Variants in MCU observed in about 807,000 individuals in gnomAD.
MCU encodes the protein calcium uniporter protein, mitochondrial.
Under a neutral mutation model 45.2 loss-of-function variants are expected in MCU, and 12 were observed. The observed-to-expected ratio is 0.27, with a 90% confidence interval of 0.17 to 0.43. The LOEUF is 0.43. Among genes scored for constraint, MCU ranks in the 20% least tolerant of loss-of-function variants. The pLI is 1.00. For synonymous variants in MCU, 160 were observed against 165.1 expected (o/e 0.97, Z 0.24); for missense variants, 324 against 436.7 (o/e 0.74, Z 2.30).
At chr10:72,839,955 C>T (rs1234178186) in intron 2 of MCU, among the ~76,000 whole-genome samples, 4 of 111,694 alleles carry the variant, frequency 3.6e-5, no homozygotes, top group African/African-American at 1.5e-4. Flanking sequence ...CAAAGCGAGA[C>T]TCCGTCTCAA....
chr10:72,845,135 C>T (rs939116296), intron 2 of MCU, among the ~76,000 whole-genome samples: 1 of 152,046 alleles, frequency 6.6e-6, no homozygotes, highest in Admixed American at 6.6e-5. Context: ...AGGAAGCTTG[C>T]ATATATAGAA....
At chr10:72,757,652 T>C (rs1185867653) in intron 1 of MCU, among the ~76,000 whole-genome samples, 2 of 152,198 alleles carry the variant, frequency 1.3e-5, no homozygotes, top group Non-Finnish European at 2.9e-5. Flanking sequence ...TGAAGTGGTC[T>C]GAAGAGATAA....
At chr10:72,831,241 T>G (rs994764000) in intron 1 of MCU, among the ~76,000 whole-genome samples, 3 of 152,216 alleles carry the variant, frequency 2.0e-5, no homozygotes, top group Non-Finnish European at 2.9e-5. Flanking sequence ...AGATGTCATT[T>G]GAAATCAGTA....
At chr10:72,879,504 CA>C (rs1481944767) in intron 6 of MCU, among the ~76,000 whole-genome samples, 3 of 152,126 alleles carry the variant, frequency 2.0e-5, no homozygotes, top group Admixed American at 6.5e-5. Context: ...CTATACTCAG[CA>C]AAAAATATCT....
intron 1 of MCU, 135 bp downstream of exon 1, chr10:72,692,436 G>A (rs1357369504): frequency 1.1e-6 from 1 of 909,146 alleles, no homozygotes; most frequent in African/African-American, 1.8e-5. Context: ...CGGGCACCGA[G>A]GAGCCGCCGT....
At position 72,804,098 on chromosome 10, in the gene MCU, A is replaced by AT. The variant is rs35746180; in HGVS notation, c.151-30249dup. ...TAAAATAAGAGTGCCAACAATTTAC[A>AT]TTTTTTTTTTTTGAGACAGAGTCTC... On this transcript the variant is annotated intron_variant, in intron 1 of 7. Coordinates refer to ENST00000373053, the MANE Select transcript of MCU (RefSeq NM_138357.3). Among the ~76,000 whole-genome samples the AT allele has an allele frequency of 1.8e-4, 17 of 93,342 alleles. 1 individual carries two copies. Among genetic ancestry groups the AT allele is most frequent in the Admixed American group, 9.4e-4 (7 of 7,442 alleles). 61.2% of individuals were successfully genotyped at this position (93,342 alleles called of 152,430 possible).
chr10:72,875,851 C>T (rs894585734), intron 6 of MCU, among the ~76,000 whole-genome samples: 11 of 152,190 alleles, frequency 7.2e-5, no homozygotes, highest in Non-Finnish European at 1.0e-4. Flanking sequence ...GCTGTGTCAG[C>T]GTGCAGGTGG....
chr10:72,705,480 G>A (rs1046425926), intron 1 of MCU, among the ~76,000 whole-genome samples: 2 of 151,812 alleles, frequency 1.3e-5, no homozygotes, highest in East Asian at 1.9e-4. Flanking sequence ...TCAGGAGTTC[G>A]AGACCAGCCT....
chr10:72,698,448 C>G (rs946670476), intron 1 of MCU, among the ~76,000 whole-genome samples: 2 of 152,266 alleles, frequency 1.3e-5, no homozygotes, highest in East Asian at 3.9e-4. Context: ...TGTTTGTTTT[C>G]CTGTGATTAA....
rs1327285307 is a variant in MCU, at chr10:72,692,220, C to A, written c.69C>A (p.Ala23=). The change falls in exon 1 of 8, where the codon GCC becomes GCA. Residue 23 remains alanine, a synonymous_variant. Transcript: ENST00000373053. ...CTCGGGGCGGCGGCGGCGGGGGCGC[C>A]GGCGGCTGCGGGGCGCTGACTGCCG... is the stretch of plus-strand genomic sequence containing the variant. ...LSSRGGGGGG[A]GGCGALTAGC... is the part of the protein sequence containing the mutation. 2 of 1,246,002 alleles carry A rather than the reference C, an allele frequency of 1.6e-6. No homozygotes were observed. Among genetic ancestry groups the A allele is most frequent in the Non-Finnish European group, 2.0e-6 (2 of 989,286 alleles). 77.2% of individuals were successfully genotyped at this position (1,246,002 alleles called of 1,614,324 possible). A position where few individuals can be genotyped will look rare whatever the true frequency, so the allele number is the denominator to read the frequency against.
At chr10:72,797,222 T>TTC (rs138793011) in intron 1 of MCU, among the ~76,000 whole-genome samples, 4,110 of 98,702 alleles carry the variant, frequency 0.042, 97 homozygotes, top group Non-Finnish European at 0.066. Flanking sequence ...TTTTATTTTA[T>TTC]TTTATTTTAT....
chr10:72,815,730 G>A (rs913137090), intron 1 of MCU, among the ~76,000 whole-genome samples: 9 of 152,084 alleles, frequency 5.9e-5, no homozygotes, highest in South Asian at 2.1e-4. Context: ...AGATTACATC[G>A]TGATAAAAAC....
intron 1 of MCU, among the ~76,000 whole-genome samples, chr10:72,805,101 C>CTCTCTCTT (rs1554824918): frequency 4.0e-4 from 41 of 103,454 alleles, no homozygotes; most frequent in African/African-American, 1.5e-3. Flanking sequence ...TTCTTTCTTT[C>CTCTCTCTT]TCTTTCTTTC....
At chr10:72,774,311 G>A (rs1165581755) in intron 1 of MCU, among the ~76,000 whole-genome samples, 1 of 152,102 alleles carries the variant, frequency 6.6e-6, no homozygotes, top group Non-Finnish European at 1.5e-5. Context: ...CTTTGTTTGT[G>A]TATTTTTGAT....
At chr10:72,699,845 G>T (rs1842735173) in intron 1 of MCU, among the ~76,000 whole-genome samples, 1 of 151,940 alleles carries the variant, frequency 6.6e-6, no homozygotes, top group Non-Finnish European at 1.5e-5. Flanking sequence ...GCGTGTCTTG[G>T]CCTCCCAAAG....
chr10:72,849,974 C>T (rs957891871), intron 2 of MCU, among the ~76,000 whole-genome samples: 8 of 150,662 alleles, frequency 5.3e-5, no homozygotes, highest in African/African-American at 2.0e-4. Context: ...AGTGCAGTGG[C>T]ACGATCTCAG....
intron 1 of MCU, among the ~76,000 whole-genome samples, chr10:72,796,660 C>T (rs567646492): frequency 3.3e-5 from 5 of 150,926 alleles, no homozygotes; most frequent in South Asian, 2.1e-4. Context: ...ACTACAGGTG[C>T]GTACCACCAC....
At chr10:72,715,053 G>A in intron 1 of MCU, 1 of 385,648 alleles carries the variant, frequency 2.6e-6, no homozygotes, top group Non-Finnish European at 3.6e-6. Context: ...ACCCACATTA[G>A]CAGGCTCAAG....
intron 1 of MCU, among the ~76,000 whole-genome samples, chr10:72,693,816 A>C (rs954967215): frequency 6.6e-6 from 1 of 152,192 alleles, no homozygotes; most frequent in African/African-American, 2.4e-5. Context: ...GGCCACCCCA[A>C]ATTTTGATTG....
Sources: gnomAD v4.1 joint callset for allele counts (sites outside exome capture counted in the v4.1 genomes callset) on GRCh38, gnomAD v4.1.1 for gene constraint, MANE v1.5 for transcripts, NCBI Gene and HGNC (gene_info 2026-07-23, HGNC 2026-07-21) for gene names.